SLC9A2: variants seen among roughly 807,000 people sequenced by gnomAD.
SLC9A2 encodes solute carrier family 9 member A2, also known as sodium/hydrogen exchanger 2.
A neutral mutation model predicts 71.7 loss-of-function variants in SLC9A2; 42 were observed. That is an observed-to-expected ratio of 0.59 (90% CI 0.46 to 0.76). The LOEUF (loss-of-function observed/expected upper bound fraction) is 0.76, where lower values mean the gene tolerates loss of function less well. Ranked by LOEUF, SLC9A2 falls within the 30% of genes least tolerant of loss-of-function variation. The pLI, the probability that SLC9A2 is intolerant of heterozygous loss-of-function variation, is 0.00. For synonymous variants in SLC9A2, 396 were observed against 392.5 expected, an observed-to-expected ratio of 1.01 and a Z score of -0.10; for missense variants, 829 against 1,017.4, an observed-to-expected ratio of 0.81 and a Z score of 2.52.
At chr2:102,643,928 G>A (rs1676662282) in intron 1 of SLC9A2, among the ~76,000 whole-genome samples, 1 of 149,070 alleles carries the variant, frequency 6.7e-6, no homozygotes, top group South Asian at 2.1e-4. Context: ...TTTTTGCACA[G>A]ACATTTAAAA....
At chr2:102,645,437 G>A (rs1398501930) in intron 1 of SLC9A2, among the ~76,000 whole-genome samples, 1 of 152,048 alleles carries the variant, frequency 6.6e-6, no homozygotes, top group Non-Finnish European at 1.5e-5. Context: ...GCACAAAACT[G>A]GATGGAGGAT....
At chr2:102,640,835 G>A (rs1345732326) in intron 1 of SLC9A2, among the ~76,000 whole-genome samples, 1 of 152,180 alleles carries the variant, frequency 6.6e-6, no homozygotes, top group Non-Finnish European at 1.5e-5. Flanking sequence ...CACCCATCTT[G>A]AAGCTATCTA....
intron 1 of SLC9A2, among the ~76,000 whole-genome samples, chr2:102,631,616 T>C (rs1036655290): frequency 1.3e-5 from 2 of 152,074 alleles, no homozygotes; most frequent in African/African-American, 4.8e-5. Context: ...GTCCATATTG[T>C]TGGATATCTC....
At chr2:102,675,833 CT>C (rs1489935908) in intron 3 of SLC9A2, among the ~76,000 whole-genome samples, 4 of 152,216 alleles carry the variant, frequency 2.6e-5, no homozygotes, top group Non-Finnish European at 5.9e-5. Context: ...CAAATTTCAG[CT>C]TTTTTCTCAT....
intron 7 of SLC9A2, among the ~76,000 whole-genome samples, chr2:102,696,807 G>C (rs999342108): frequency 6.6e-6 from 1 of 152,124 alleles, no homozygotes; most frequent in South Asian, 2.1e-4. Context: ...GGGAACACAA[G>C]GTAATAAAAT....
Position 102,669,050 on chromosome 2 carries a change from A to G in SLC9A2, c.1004+3700A>G, listed in dbSNP as rs530095159. Among the ~76,000 whole-genome samples, 44 of 152,346 alleles carry G rather than the reference A, an allele frequency of 2.9e-4. No homozygotes were observed. In the South Asian group the frequency reaches 6.8e-3, roughly 24 times the overall value. On this transcript the variant is annotated intron_variant, in intron 3 of 11. Coordinates refer to ENST00000233969, the MANE Select transcript of SLC9A2 (RefSeq NM_003048.6). ...GGAAAGTGCTGGACAGGATTTCAATATCTTGATTTCTTTGGAAAGATGATG... is the reference window on the plus strand; with the variant it reads ...GGAAAGTGCTGGACAGGATTTCAATGTCTTGATTTCTTTGGAAAGATGATG...
At chr2:102,645,538 G>C (rs1337247128) in intron 1 of SLC9A2, among the ~76,000 whole-genome samples, 1 of 151,984 alleles carries the variant, frequency 6.6e-6, no homozygotes, top group Non-Finnish European at 1.5e-5. Context: ...CCAATGCAAG[G>C]AAGCTAAGAG....
intron 3 of SLC9A2, among the ~76,000 whole-genome samples, chr2:102,667,485 G>A (rs994449268): frequency 3.9e-5 from 6 of 152,146 alleles, no homozygotes; most frequent in Non-Finnish European, 5.9e-5. Context: ...TCCAGCTATT[G>A]GGGGAAAGTT....
At chr2:102,625,190 T>C (rs1170812860) in intron 1 of SLC9A2, among the ~76,000 whole-genome samples, 2 of 152,232 alleles carry the variant, frequency 1.3e-5, no homozygotes, top group Admixed American at 6.5e-5. Flanking sequence ...ACATTTTCTG[T>C]TCTCTGTCTG....
intron 1 of SLC9A2, among the ~76,000 whole-genome samples, chr2:102,650,856 C>G (rs1019243879): frequency 5.9e-5 from 9 of 152,130 alleles, no homozygotes; most frequent in African/African-American, 2.2e-4. Context: ...TCTAGTGCTC[C>G]CTAGAAATCG....
intron 3 of SLC9A2, among the ~76,000 whole-genome samples, chr2:102,670,134 C>T (rs2104529497): frequency 6.6e-6 from 1 of 151,824 alleles, no homozygotes; most frequent in Non-Finnish European, 1.5e-5. Flanking sequence ...AGGTTCACGC[C>T]ATTCTCCTGC....
chr2:102,632,066 A>ATATATACACC (rs1676372387), intron 1 of SLC9A2, among the ~76,000 whole-genome samples: 1 of 136,280 alleles, frequency 7.3e-6, no homozygotes, highest in African/African-American at 2.9e-5. Context: ...ATATACACAC[A>ATATATACACC]CATATATATA....
intron 7 of SLC9A2, among the ~76,000 whole-genome samples, chr2:102,696,125 G>A (rs567060451): frequency 1.1e-4 from 17 of 152,118 alleles, no homozygotes; most frequent in Admixed American, 6.5e-4. Context: ...AGCTCATCAC[G>A]TACCTCTCTT....
At chr2:102,678,640 C>T (rs1050277544) in intron 3 of SLC9A2, among the ~76,000 whole-genome samples, 14 of 152,148 alleles carry the variant, frequency 9.2e-5, no homozygotes, top group African/African-American at 3.1e-4. Context: ...AGTGTGGTGG[C>T]ACTGTGATAA....
rs1573413081 is a variant in SLC9A2, at chr2:102,660,624, T to A, written c.753+2597T>A. ...GTGGAGATGTTTTGTGGAAGATTCT[T>A]TGATTCATTCATTCAGGCTTATCTG... On this transcript the variant is annotated intron_variant, in intron 2 of 11. Coordinates refer to ENST00000233969, the MANE Select transcript of SLC9A2 (RefSeq NM_003048.6). 2.0e-5 allele frequency among the ~76,000 whole-genome samples: 3 copies of A among 152,218 alleles called. No homozygotes were observed. The South Asian group carries it at 6.2e-4, about 32-fold the overall frequency.
At chr2:102,699,423 G>A (rs1677831653) in intron 7 of SLC9A2, among the ~76,000 whole-genome samples, 1 of 152,188 alleles carries the variant, frequency 6.6e-6, no homozygotes, top group South Asian at 2.1e-4. Context: ...TGTACCCAAG[G>A]AAGATGCAGG....
At chr2:102,648,289 A>T (rs1676764998) in intron 1 of SLC9A2, among the ~76,000 whole-genome samples, 1 of 152,182 alleles carries the variant, frequency 6.6e-6, no homozygotes, top group Non-Finnish European at 1.5e-5. Flanking sequence ...ATAAAATTCA[A>T]CACCCCTTCA....
In SLC9A2 at chr2:102,708,301, C is replaced by T. The variant is rs758915962; in HGVS notation, c.2251C>T (p.His751Tyr). ...RDMPSTPPTP[H>Y]SREKGTQTSG... ...TATGCCCAGCACCCCCCCAACACCC[C>T]ACAGCAGAGAAAAGGGCACCCAGAC... Residue 751 changes from histidine to tyrosine, a missense_variant, in exon 12 of 12, where the codon CAC (histidine) becomes TAC (tyrosine). Transcript: ENST00000233969. 9 of 1,614,162 alleles carry T rather than the reference C, an allele frequency of 5.6e-6. No homozygotes were observed. The highest frequency in any genetic ancestry group is 1.7e-5 in the Admixed American group (1 of 60,026).
At chr2:102,654,591 T>C (rs796152272) in intron 1 of SLC9A2, among the ~76,000 whole-genome samples, 21 of 152,352 alleles carry the variant, frequency 1.4e-4, no homozygotes, top group African/African-American at 5.0e-4. Context: ...TTGTAAGCTC[T>C]TAAGGATTTA....
Sources: gnomAD v4.1 joint callset for allele counts (sites outside exome capture counted in the v4.1 genomes callset) on GRCh38, gnomAD v4.1.1 for gene constraint, MANE v1.5 for transcripts, NCBI Gene and HGNC (gene_info 2026-07-23, HGNC 2026-07-21) for gene names.